The following HHAT variants were observed in gnomAD, a reference collection of about 807,000 sequenced individuals.
HHAT encodes the protein protein-cysteine N-palmitoyltransferase HHAT.
HHAT carries 47 observed loss-of-function variants against 70.8 expected under a neutral mutation model. That is an observed-to-expected ratio of 0.66 (90% CI 0.53 to 0.85). The LOEUF is 0.85. Ranked by LOEUF, HHAT falls within the 40% of genes least tolerant of loss-of-function variation. HHAT has a pLI of 0.00. For synonymous variants in HHAT, 228 were observed against 247.6 expected (o/e 0.92, Z 0.74); for missense variants, 609 against 604.8 (o/e 1.01, Z -0.07).
At chr1:210,439,355 C>T (rs2093451662) in intron 7 of HHAT, among the ~76,000 whole-genome samples, 1 of 151,820 alleles carries the variant, frequency 6.6e-6, no homozygotes, top group African/African-American at 2.4e-5. Context: ...CTCTTGACTT[C>T]CCAAAGAATT....
At chr1:210,390,892 C>T (rs1001644808) in intron 4 of HHAT, among the ~76,000 whole-genome samples, 1 of 152,196 alleles carries the variant, frequency 6.6e-6, no homozygotes, top group Non-Finnish European at 1.5e-5. Flanking sequence ...TCTTTATCCA[C>T]TCATTGGTTG....
chr1:210,531,473 A>G lies in HHAT; in HGVS notation c.1043+18285A>G, dbSNP rs186786195. 1.9e-3 allele frequency among the ~76,000 whole-genome samples: 293 copies of G among 152,364 alleles called. 2 individuals are homozygous for G. The highest frequency in any genetic ancestry group is 6.9e-3 in the African/African-American group (286 of 41,590). On this transcript the variant is annotated intron_variant, in intron 9 of 11. Transcript: ENST00000261458. ...GGCAGAGGACTGGAATCTCTTGTCA[A>G]TACAGGCTGCAGAGAGGTGGAATAG...
intron 1 of HHAT, among the ~76,000 whole-genome samples, chr1:210,339,953 C>G (rs1402752221): frequency 2.0e-5 from 3 of 152,110 alleles, no homozygotes; most frequent in African/African-American, 7.2e-5. Flanking sequence ...TCCAGTCTAT[C>G]TAGTCATTCT....
chr1:210,486,779 A>G (rs1364863749), intron 8 of HHAT, among the ~76,000 whole-genome samples: 2 of 152,202 alleles, frequency 1.3e-5, no homozygotes, highest in African/African-American at 4.8e-5. Context: ...AATCACTGTC[A>G]TCTAAAATCA....
chr1:210,350,790 T>C (rs774460429), intron 2 of HHAT, among the ~76,000 whole-genome samples: 3 of 152,212 alleles, frequency 2.0e-5, no homozygotes, highest in African/African-American at 2.4e-5. Flanking sequence ...CAGTACAATG[T>C]TGAAAAAGAG....
At chr1:210,582,329 C>T (rs1558209738) in intron 9 of HHAT, among the ~76,000 whole-genome samples, 1 of 152,108 alleles carries the variant, frequency 6.6e-6, no homozygotes, top group Non-Finnish European at 1.5e-5. Flanking sequence ...CAACTGCCTG[C>T]CCCAGCCCGG....
chr1:210,434,283 A>G (rs1472864956), intron 7 of HHAT, among the ~76,000 whole-genome samples: 4 of 151,866 alleles, frequency 2.6e-5, no homozygotes, highest in African/African-American at 9.7e-5. Flanking sequence ...GAAAATGGAC[A>G]TAGTTTGGGG....
chr1:210,657,283 G>T (rs945716796), intron 11 of HHAT, among the ~76,000 whole-genome samples: 2 of 152,212 alleles, frequency 1.3e-5, no homozygotes, highest in African/African-American at 4.8e-5. Flanking sequence ...CCTGGATGAA[G>T]AGCAGCAGCT....
At chr1:210,330,330 G>T (rs1464630954) in intron 1 of HHAT, among the ~76,000 whole-genome samples, 2 of 152,114 alleles carry the variant, frequency 1.3e-5, no homozygotes, top group Non-Finnish European at 2.9e-5. Context: ...TGCTTATTAG[G>T]TGCTTTAGAT....
chr1:210,606,360 T>C (rs1665431757), intron 10 of HHAT, among the ~76,000 whole-genome samples: 1 of 152,214 alleles, frequency 6.6e-6, no homozygotes, highest in African/African-American at 2.4e-5. Flanking sequence ...AACTGTTTCC[T>C]CCACTTAAGT....
chr1:210,467,718 A>G (rs2094133743), intron 8 of HHAT, among the ~76,000 whole-genome samples: 1 of 152,152 alleles, frequency 6.6e-6, no homozygotes, highest in African/African-American at 2.4e-5. Context: ...GAGATGACTT[A>G]ATGCTTACCT....
At chr1:210,496,103 CTT>C (rs1434398482) in intron 8 of HHAT, among the ~76,000 whole-genome samples, 1 of 99,302 alleles carries the variant, frequency 1.0e-5, no homozygotes. Flanking sequence ...TTTTTTGAAT[CTT>C]TTTAGTTATA....
intron 1 of HHAT, among the ~76,000 whole-genome samples, chr1:210,345,805 T>A (rs1472798067): frequency 6.6e-6 from 1 of 152,212 alleles, no homozygotes; most frequent in Non-Finnish European, 1.5e-5. Context: ...AGCACTAAGC[T>A]GGGTGCAGTG....
chr1:210,348,718 A>G (rs1187954112), intron 1 of HHAT, among the ~76,000 whole-genome samples: 2 of 132,982 alleles, frequency 1.5e-5, no homozygotes, highest in African/African-American at 6.1e-5. Flanking sequence ...CAGGATGCAC[A>G]TGTGTGGTGT....
intron 9 of HHAT, among the ~76,000 whole-genome samples, chr1:210,526,199 C>T (rs1055189187): frequency 1.3e-5 from 2 of 152,008 alleles, no homozygotes; most frequent in Non-Finnish European, 2.9e-5. Context: ...ACGGGGAGCC[C>T]CTTTCCCTGA....
chr1:210,670,352 G>A (rs1679829385), intron 11 of HHAT, among the ~76,000 whole-genome samples: 1 of 152,220 alleles, frequency 6.6e-6, no homozygotes. Context: ...CATATAGCAA[G>A]GGCTTGTGAA....
At chr1:210,409,839 C>T (rs143795325) in intron 6 of HHAT, among the ~76,000 whole-genome samples, 1,971 of 152,300 alleles carry the variant, frequency 0.013, 49 homozygotes, top group African/African-American at 0.045. Context: ...TTGAAATGCA[C>T]TTTGCAGATG....
chr1:210,361,531 G>T (rs868682613), intron 2 of HHAT, among the ~76,000 whole-genome samples: 2 of 151,552 alleles, frequency 1.3e-5, no homozygotes, highest in Non-Finnish European at 2.9e-5. Context: ...GTGGTCTGAC[G>T]CTTGGCTTGC....
chr1:210,556,811 C>T (rs1301634484), intron 9 of HHAT, among the ~76,000 whole-genome samples: 1 of 152,204 alleles, frequency 6.6e-6, no homozygotes, highest in Non-Finnish European at 1.5e-5. Context: ...TAGCCAGCCA[C>T]TCATGAATGG....
Sources: allele counts gnomAD v4.1 joint callset (sites outside exome capture counted in the v4.1 genomes callset), GRCh38; gene constraint gnomAD v4.1.1; transcripts MANE v1.5; gene names NCBI Gene and HGNC (gene_info 2026-07-23, HGNC 2026-07-21).